The following TMC1 variants were observed in gnomAD, a reference collection of about 807,000 sequenced individuals.
The protein encoded by TMC1 is transmembrane channel-like protein 1.
In TMC1, 84 loss-of-function variants were observed where a neutral mutation model predicts 105.8. That is an observed-to-expected ratio of 0.79 (90% CI 0.67 to 0.95). The LOEUF is 0.95. TMC1 is among the 40% of genes least tolerant of loss of function. The pLI is 0.00. For missense variants in TMC1, 817 were observed against 914.1 expected (o/e 0.89, Z 1.37); for synonymous variants, 315 against 311.5 (o/e 1.01, Z -0.12).
intron 12 of TMC1, among the ~76,000 whole-genome samples, chr9:72,771,280 C>T (rs1827920945): frequency 6.6e-6 from 1 of 152,128 alleles, no homozygotes; most frequent in Non-Finnish European, 1.5e-5. Flanking sequence ...ATTTTGAAAG[C>T]AATAGTTTTT....
chr9:72,760,247 C>A (rs2118085042), intron 12 of TMC1, among the ~76,000 whole-genome samples: 1 of 152,116 alleles, frequency 6.6e-6, no homozygotes, highest in Non-Finnish European at 1.5e-5. Flanking sequence ...TGCATGAGTT[C>A]TTTGCTTGAT....
intron 5 of TMC1, among the ~76,000 whole-genome samples, chr9:72,688,336 G>A (rs1826409343): frequency 6.6e-6 from 1 of 152,046 alleles, no homozygotes; most frequent in South Asian, 2.1e-4. Flanking sequence ...TGTGGATATA[G>A]CTTTATTAAC....
At chr9:72,826,197 C>T (rs1411072939) in intron 20 of TMC1, among the ~76,000 whole-genome samples, 1 of 152,116 alleles carries the variant, frequency 6.6e-6, no homozygotes, top group Admixed American at 6.5e-5. Flanking sequence ...TGGTACAATT[C>T]TAGCTATTCC....
intron 8 of TMC1, among the ~76,000 whole-genome samples, chr9:72,729,854 T>C (rs1191132121): frequency 6.6e-6 from 1 of 152,160 alleles, no homozygotes. Flanking sequence ...GGAAAAACTG[T>C]CCATTTTTAT....
intron 1 of TMC1, among the ~76,000 whole-genome samples, chr9:72,525,693 CA>C (rs1162128331): frequency 6.6e-6 from 1 of 151,934 alleles, no homozygotes; most frequent in Non-Finnish European, 1.5e-5. Context: ...ACATGAAAAA[CA>C]AAAAAATCCT....
intron 1 of TMC1, among the ~76,000 whole-genome samples, chr9:72,562,971 AATAAAAT>A (rs1824084117): frequency 6.6e-6 from 1 of 152,202 alleles, no homozygotes; most frequent in South Asian, 2.1e-4. Flanking sequence ...TCTCAAATAA[AATAAAAT>A]AAAAAATAAA....
intron 1 of TMC1, among the ~76,000 whole-genome samples, chr9:72,545,141 C>T (rs200724676): frequency 0.088 from 11,380 of 129,974 alleles, 645 homozygotes; most frequent in African/African-American, 0.19. Flanking sequence ...TATATATACA[C>T]ACACACACAC....
intron 4 of TMC1, among the ~76,000 whole-genome samples, chr9:72,633,342 A>G (rs961806347): frequency 6.6e-6 from 1 of 152,184 alleles, no homozygotes; most frequent in Non-Finnish European, 1.5e-5. Context: ...TAGGTCAAAC[A>G]GTTTTCTGCC....
chr9:72,600,052 G>A (rs948031447), intron 2 of TMC1, among the ~76,000 whole-genome samples: 2 of 152,162 alleles, frequency 1.3e-5, no homozygotes, highest in Non-Finnish European at 2.9e-5. Flanking sequence ...GTAATTGTAG[G>A]ATGAGGGCCA....
intron 6 of TMC1, 56 bp from the exon 7 acceptor site, chr9:72,694,487 G>T: frequency 6.7e-7 from 1 of 1,497,556 alleles, no homozygotes; most frequent in Admixed American, 1.7e-5. Context: ...GAATAAGCTT[G>T]GTAGTGGGAG....
chr9:72,801,440 A>G (rs1448538719), intron 17 of TMC1, among the ~76,000 whole-genome samples: 1 of 152,244 alleles, frequency 6.6e-6, no homozygotes, highest in African/African-American at 2.4e-5. Flanking sequence ...AGTCAATGAC[A>G]GGAGCCCCAG....
At chr9:72,593,374 C>CTTTTTTCTTTTCTTTTCTTTTCT in intron 2 of TMC1, among the ~76,000 whole-genome samples, 1 of 151,764 alleles carries the variant, frequency 6.6e-6, no homozygotes, top group Non-Finnish European at 1.5e-5. Flanking sequence ...TCCCCATTTT[C>CTTTTTTCTTTTCTTTTCTTTTCT]TTTTTTCTTT....
rs1031524673 is a variant in TMC1, at chr9:72,521,841, T to C, written c.-500T>C. On this transcript the variant is annotated 5_prime_UTR_variant, in exon 1 of 24. Transcript: ENST00000297784. ...CAGAACCCAGCAATCTGTGCTTTCT[T>C]TCACAAGCCCTCCAGGAGTTGCTGA... 1 of 152,188 alleles carries C rather than the reference T, an allele frequency of 6.6e-6. No homozygotes were observed. The highest frequency in any genetic ancestry group is 1.5e-5 in the Non-Finnish European group (1 of 68,046). The allele number at this position is 152,188 out of a possible 1,614,324, so 9.4% of individuals were successfully genotyped here.
chr9:72,531,667 C>T (rs529574151), intron 1 of TMC1, among the ~76,000 whole-genome samples: 180 of 152,258 alleles, frequency 1.2e-3, no homozygotes, highest in African/African-American at 4.2e-3. Context: ...ACTGTTAATC[C>T]GTATTACTCT....
chr9:72,726,333 C>T (rs1348212450), intron 8 of TMC1, among the ~76,000 whole-genome samples: 9 of 152,164 alleles, frequency 5.9e-5, no homozygotes, highest in Non-Finnish European at 8.8e-5. Flanking sequence ...CTCATATCTA[C>T]ATAATGATAC....
chr9:72,727,195 T>C (rs538690656), intron 8 of TMC1, among the ~76,000 whole-genome samples: 32 of 152,340 alleles, frequency 2.1e-4, no homozygotes, highest in Admixed American at 1.9e-3. Flanking sequence ...TCCATTTGAA[T>C]TCTTATCTCA....
chr9:72,532,732 CA>C (rs755909934), intron 1 of TMC1, among the ~76,000 whole-genome samples: 1 of 152,040 alleles, frequency 6.6e-6, no homozygotes, highest in Non-Finnish European at 1.5e-5. Flanking sequence ...GATGAGGCTT[CA>C]AAAAGAGTGC....
chr9:72,668,944 C>G (rs1408572334), intron 5 of TMC1, among the ~76,000 whole-genome samples: 1 of 152,166 alleles, frequency 6.6e-6, no homozygotes, highest in Non-Finnish European at 1.5e-5. Context: ...TCAAAATTTT[C>G]TCTCAGTTTT....
intron 8 of TMC1, among the ~76,000 whole-genome samples, chr9:72,709,430 A>G (rs1826797995): frequency 6.6e-6 from 1 of 152,062 alleles, no homozygotes; most frequent in Admixed American, 6.6e-5. Flanking sequence ...TAGTGTCAAT[A>G]GGATTGAATG....
Sources: allele counts gnomAD v4.1 joint callset (sites outside exome capture counted in the v4.1 genomes callset), GRCh38; gene constraint gnomAD v4.1.1; transcripts MANE v1.5; gene names NCBI Gene and HGNC (gene_info 2026-07-23, HGNC 2026-07-21).